The following CSNK1G3 variants were observed in gnomAD, a reference collection of about 807,000 sequenced individuals.
The protein encoded by CSNK1G3 is casein kinase 1 gamma 3.
In CSNK1G3, 23 loss-of-function variants were observed where a neutral mutation model predicts 64.3. That is an observed-to-expected ratio of 0.36 (90% CI 0.26 to 0.51). CSNK1G3 has a LOEUF of 0.51. CSNK1G3 is among the 20% of genes least tolerant of loss of function. The pLI is 0.96. For missense variants in CSNK1G3, 357 were observed against 510.5 expected, an observed-to-expected ratio of 0.70 and a Z score of 2.90; for synonymous variants, 158 against 162.2, an observed-to-expected ratio of 0.97 and a Z score of 0.20.
intron 1 of CSNK1G3, among the ~76,000 whole-genome samples, chr5:123,524,679 T>A (rs1044285025): frequency 4.6e-5 from 7 of 152,168 alleles, no homozygotes; most frequent in Non-Finnish European, 8.8e-5. Context: ...GAAGAAAAAC[T>A]TATAGTTATC....
At chr5:123,514,015 A>G (rs573258572) in intron 1 of CSNK1G3, among the ~76,000 whole-genome samples, 3 of 152,208 alleles carry the variant, frequency 2.0e-5, no homozygotes, top group South Asian at 2.1e-4. Flanking sequence ...AAGATAAAAG[A>G]TAAAAATTAC....
chr5:123,560,131 C>T (rs1431078087), intron 4 of CSNK1G3, among the ~76,000 whole-genome samples: 3 of 152,072 alleles, frequency 2.0e-5, no homozygotes, highest in East Asian at 3.9e-4. Context: ...ATGCTCAACA[C>T]CACTAATCAT....
intron 12 of CSNK1G3, among the ~76,000 whole-genome samples, chr5:123,609,915 T>A (rs1796025484): frequency 1.3e-5 from 2 of 151,876 alleles, no homozygotes; most frequent in South Asian, 4.1e-4. Context: ...GCATGGCATA[T>A]TTATGATGGG....
chr5:123,568,263 A>G (rs1787333539), intron 4 of CSNK1G3, among the ~76,000 whole-genome samples: 1 of 152,118 alleles, frequency 6.6e-6, no homozygotes, highest in Non-Finnish European at 1.5e-5. Flanking sequence ...GCTGCAGTGG[A>G]TCAGACCAGC....
At chr5:123,590,332 A>G (rs1219463550) in intron 8 of CSNK1G3, 78 bp from the exon 9 acceptor site, 2 of 628,136 alleles carry the variant, frequency 3.2e-6, no homozygotes, top group South Asian at 4.6e-5. Flanking sequence ...ATATAATACA[A>G]TGTGCTTTTA....
At chr5:123,606,249 T>G (rs1353912348) in intron 12 of CSNK1G3, among the ~76,000 whole-genome samples, 1 of 152,132 alleles carries the variant, frequency 6.6e-6, no homozygotes, top group South Asian at 2.1e-4. Context: ...TATGTCAGGA[T>G]ATAATTAGCT....
intron 1 of CSNK1G3, among the ~76,000 whole-genome samples, chr5:123,535,865 C>T (rs1282258018): frequency 1.3e-5 from 2 of 152,072 alleles, no homozygotes; most frequent in Non-Finnish European, 2.9e-5. Context: ...CCTCTCTCTC[C>T]CTCCTAGTTT....
chr5:123,575,131 A>T (rs1377884300), intron 5 of CSNK1G3, among the ~76,000 whole-genome samples: 1 of 152,196 alleles, frequency 6.6e-6, no homozygotes, highest in Non-Finnish European at 1.5e-5. Context: ...AAAATGAGCT[A>T]TATTATTAAT....
At chr5:123,543,533 C>A (rs796480385) in intron 1 of CSNK1G3, among the ~76,000 whole-genome samples, 26 of 152,262 alleles carry the variant, frequency 1.7e-4, no homozygotes, top group African/African-American at 6.0e-4. Flanking sequence ...AAAACTCCTT[C>A]ATTTTTGATA....
intron 6 of CSNK1G3, among the ~76,000 whole-genome samples, chr5:123,584,447 G>C (rs547826707): frequency 6.6e-6 from 1 of 152,032 alleles, no homozygotes; most frequent in Non-Finnish European, 1.5e-5. Flanking sequence ...TTAATTTGGC[G>C]AATTACATTG....
intron 1 of CSNK1G3, among the ~76,000 whole-genome samples, chr5:123,528,864 C>G (rs1779475202): frequency 1.3e-5 from 2 of 152,162 alleles, no homozygotes; most frequent in Non-Finnish European, 2.9e-5. Context: ...ACCCTAAACT[C>G]AGTAATCCCA....
At chr5:123,553,204 T>A (rs1784018889) in intron 3 of CSNK1G3, 57 bp downstream of exon 3, 1 of 885,416 alleles carries the variant, frequency 1.1e-6, no homozygotes, top group Non-Finnish European at 1.7e-6. Context: ...TTTAAGTAAC[T>A]TATATATTTT....
chr5:123,540,607 C>A (rs932723223), intron 1 of CSNK1G3, among the ~76,000 whole-genome samples: 1 of 151,854 alleles, frequency 6.6e-6, no homozygotes, highest in Non-Finnish European at 1.5e-5. Context: ...CTTCTAGATG[C>A]TATACAGCTG....
At chr5:123,556,032 G>A (rs903489179) in intron 3 of CSNK1G3, among the ~76,000 whole-genome samples, 4 of 152,088 alleles carry the variant, frequency 2.6e-5, no homozygotes, top group Non-Finnish European at 5.9e-5. Flanking sequence ...GAAAAGTTAA[G>A]TAACTTGCTG....
chr5:123,545,419 C>G (rs1561490472), exon 2 of CSNK1G3: 2 of 340,054 alleles, frequency 5.9e-6, no homozygotes. Context: ...TATTCTAGCT[C>G]TCTATCAATA....
chr5:123,606,320 T>A (rs1795360668), intron 12 of CSNK1G3, among the ~76,000 whole-genome samples: 1 of 152,156 alleles, frequency 6.6e-6, no homozygotes, highest in Non-Finnish European at 1.5e-5. Context: ...GTCTTACTTG[T>A]GTGTTTTTAA....
At chr5:123,523,111 A>G (rs1015412464) in intron 1 of CSNK1G3, among the ~76,000 whole-genome samples, 1 of 150,954 alleles carries the variant, frequency 6.6e-6, no homozygotes, top group Non-Finnish European at 1.5e-5. Flanking sequence ...TCAGGATGGA[A>G]GGGACTTCAA....
chr5:123,593,555 T>C (rs1293914046), intron 10 of CSNK1G3, among the ~76,000 whole-genome samples: 5 of 152,032 alleles, frequency 3.3e-5, no homozygotes, highest in Non-Finnish European at 5.9e-5. Context: ...GAGAGTTCCA[T>C]GACCCCAAAA....
exon 13 of CSNK1G3, chr5:123,616,625 C>G (rs1366453576): frequency 6.6e-6 from 1 of 152,470 alleles, no homozygotes; most frequent in African/African-American, 2.4e-5. Flanking sequence ...TCAGGTTAAG[C>G]CAACAATGTT....
Sources: allele counts gnomAD v4.1 joint callset (sites outside exome capture counted in the v4.1 genomes callset), GRCh38; gene constraint gnomAD v4.1.1; transcripts MANE v1.5; gene names NCBI Gene and HGNC (gene_info 2026-07-23, HGNC 2026-07-21).